Variants in CCSER1 observed in about 807,000 individuals in gnomAD.
CCSER1 encodes the protein coiled-coil serine rich protein 1, also known as serine-rich coiled-coil domain-containing protein 1.
Under a neutral mutation model 82.0 loss-of-function variants are expected in CCSER1, and 41 were observed. The ratio of observed to expected loss-of-function variants is 0.50; its 90% confidence interval spans 0.39 to 0.65. CCSER1 has a LOEUF of 0.65. Among genes scored for constraint, CCSER1 ranks in the 30% least tolerant of loss-of-function variants. The pLI is 0.00. For missense variants in CCSER1, 1,119 were observed against 1,064.2 expected, an observed-to-expected ratio of 1.05 and a Z score of -0.72; for synonymous variants, 414 against 383.9, an observed-to-expected ratio of 1.08 and a Z score of -0.92.
chr4:90,767,586 A>T (rs563109947), intron 7 of CCSER1, among the ~76,000 whole-genome samples: 15 of 152,330 alleles, frequency 9.8e-5, no homozygotes, highest in African/African-American at 3.6e-4. Context: ...AATTTTTATA[A>T]AGTTAGATCA....
intron 10 of CCSER1, among the ~76,000 whole-genome samples, chr4:91,184,496 G>A (rs1231077550): frequency 1.3e-5 from 2 of 152,190 alleles, no homozygotes; most frequent in Middle Eastern, 3.2e-3. Flanking sequence ...AAATCAGTTA[G>A]CATTCTCCAT....
intron 5 of CCSER1, among the ~76,000 whole-genome samples, chr4:90,480,712 G>T (rs1463431857): frequency 2.0e-5 from 3 of 152,026 alleles, no homozygotes; most frequent in Admixed American, 1.3e-4. Context: ...ATTTCTGAGG[G>T]CTCTGTTCTG....
At chr4:90,557,573 G>T (rs1579146739) in intron 5 of CCSER1, among the ~76,000 whole-genome samples, 1 of 151,930 alleles carries the variant, frequency 6.6e-6, no homozygotes, top group Admixed American at 6.6e-5. Context: ...AATACTGTAG[G>T]TATATATATC....
chr4:91,081,013 A>C (rs1217371186), intron 9 of CCSER1, among the ~76,000 whole-genome samples: 1 of 152,242 alleles, frequency 6.6e-6, no homozygotes, highest in African/African-American at 2.4e-5. Flanking sequence ...TTCTGAAATT[A>C]TTCCAATCAA....
intron 5 of CCSER1, among the ~76,000 whole-genome samples, chr4:90,626,354 A>G (rs1167211899): frequency 6.6e-6 from 1 of 152,218 alleles, no homozygotes; most frequent in East Asian, 1.9e-4. Flanking sequence ...CTAATTTAAT[A>G]TATACCTACC....
chr4:91,074,696 T>C (rs1313083343), intron 9 of CCSER1, among the ~76,000 whole-genome samples: 1 of 152,216 alleles, frequency 6.6e-6, no homozygotes, highest in Non-Finnish European at 1.5e-5. Flanking sequence ...ATCTATAAAA[T>C]GAAGAGGTTG....
intron 8 of CCSER1, among the ~76,000 whole-genome samples, chr4:90,894,979 T>C (rs1284395219): frequency 6.6e-6 from 1 of 152,008 alleles, no homozygotes; most frequent in Admixed American, 6.6e-5. Flanking sequence ...TCTAAAATTA[T>C]GTGTATACAC....
chr4:90,688,348 T>C (rs1422436142), intron 6 of CCSER1, among the ~76,000 whole-genome samples: 1 of 152,138 alleles, frequency 6.6e-6, no homozygotes, highest in Non-Finnish European at 1.5e-5. Flanking sequence ...TGCATGGTGT[T>C]TTCCTGAAAA....
intron 10 of CCSER1, among the ~76,000 whole-genome samples, chr4:91,152,569 A>T (rs1478578677): frequency 5.3e-5 from 8 of 152,314 alleles, no homozygotes; most frequent in South Asian, 2.1e-4. Context: ...TTACAATGTC[A>T]GCTGGTCATT....
intron 5 of CCSER1, among the ~76,000 whole-genome samples, chr4:90,494,771 C>G (rs943140986): frequency 6.6e-6 from 1 of 152,128 alleles, no homozygotes; most frequent in African/African-American, 2.4e-5. Flanking sequence ...AATCAACTCC[C>G]TATACCCTAA....
At chr4:91,542,289 A>G (rs1190444466) in intron 10 of CCSER1, among the ~76,000 whole-genome samples, 1 of 152,176 alleles carries the variant, frequency 6.6e-6, no homozygotes. Flanking sequence ...TGTTTTAGTC[A>G]TGAAGTCCTT....
At chr4:90,230,775 A>T (rs1744349573) in intron 1 of CCSER1, among the ~76,000 whole-genome samples, 1 of 152,088 alleles carries the variant, frequency 6.6e-6, no homozygotes, top group South Asian at 2.1e-4. Context: ...CGCAATAAAA[A>T]ATGATAAAGG....
intron 5 of CCSER1, among the ~76,000 whole-genome samples, chr4:90,489,464 A>G (rs1767625048): frequency 6.6e-6 from 1 of 152,104 alleles, no homozygotes; most frequent in Non-Finnish European, 1.5e-5. Context: ...GAGTTTGCTA[A>G]TCTTGGGCAA....
chr4:90,598,709 TG>T (rs2148735121), intron 5 of CCSER1, among the ~76,000 whole-genome samples: 1 of 152,128 alleles, frequency 6.6e-6, no homozygotes, highest in East Asian at 1.9e-4. Context: ...TTCAGGAGAT[TG>T]GGGGTGGAGT....
At chr4:91,203,068 A>G (rs1736061155) in intron 10 of CCSER1, among the ~76,000 whole-genome samples, 1 of 151,964 alleles carries the variant, frequency 6.6e-6, no homozygotes, top group African/African-American at 2.4e-5. Flanking sequence ...AAGAAATCAA[A>G]GAAATTGATT....
chr4:90,880,281 G>C (rs1721104170), intron 8 of CCSER1, among the ~76,000 whole-genome samples: 1 of 152,094 alleles, frequency 6.6e-6, no homozygotes, highest in Non-Finnish European at 1.5e-5. Flanking sequence ...CTTAGTAGTA[G>C]TTATGGCTAA....
intron 9 of CCSER1, among the ~76,000 whole-genome samples, chr4:90,991,557 A>G (rs888118290): frequency 2.0e-5 from 3 of 151,834 alleles, no homozygotes; most frequent in East Asian, 1.9e-4. Context: ...CAGTATGTCT[A>G]TGTCTTCACA....
At chr4:90,399,007 C>T (rs961790727) in intron 3 of CCSER1, among the ~76,000 whole-genome samples, 1 of 152,076 alleles carries the variant, frequency 6.6e-6, no homozygotes, top group Admixed American at 6.6e-5. Context: ...TGCTAACATT[C>T]GAATTAGCTG....
intron 10 of CCSER1, among the ~76,000 whole-genome samples, chr4:91,235,670 C>G (rs1465700961): frequency 6.6e-6 from 1 of 151,930 alleles, no homozygotes; most frequent in African/African-American, 2.4e-5. Flanking sequence ...AAATAGGAGA[C>G]AGGCCTTGTG....
Sources: gnomAD v4.1 joint callset for allele counts (sites outside exome capture counted in the v4.1 genomes callset) on GRCh38, gnomAD v4.1.1 for gene constraint, MANE v1.5 for transcripts, NCBI Gene and HGNC (gene_info 2026-07-23, HGNC 2026-07-21) for gene names.